Variants in SND1 observed in about 807,000 individuals in gnomAD.
SND1 encodes the protein staphylococcal nuclease domain-containing protein 1.
SND1 carries 38 observed loss-of-function variants against 121.7 expected under a neutral mutation model. The observed-to-expected ratio is 0.31, with a 90% CI of 0.24 to 0.41. The LOEUF (loss-of-function observed/expected upper bound fraction) is 0.41, where lower values mean the gene tolerates loss of function less well. Among genes scored for constraint, SND1 ranks in the 10% least tolerant of loss-of-function variants. The pLI, the probability that SND1 is intolerant of heterozygous loss-of-function variation, is 1.00. For synonymous variants in SND1, 401 were observed against 447.4 expected, an observed-to-expected ratio of 0.90 and a Z score of 1.31; for missense variants, 868 against 1,184.6, an observed-to-expected ratio of 0.73 and a Z score of 3.92.
At chr7:127,928,309 C>T (rs1800888884) in intron 14 of SND1, 2 of 152,150 alleles carry the variant, frequency 1.3e-5, no homozygotes, top group Non-Finnish European at 2.9e-5. Context: ...TGGGTAGGAA[C>T]AGTATGCCCC....
intron 11 of SND1, among the ~76,000 whole-genome samples, chr7:127,817,414 C>T (rs1332890721): frequency 6.6e-6 from 1 of 152,040 alleles, no homozygotes; most frequent in Non-Finnish European, 1.5e-5. Context: ...TAGACTTGCC[C>T]TGTTTCTTCT....
chr7:128,012,153 C>G (rs1458255579), intron 16 of SND1, among the ~76,000 whole-genome samples: 1 of 152,174 alleles, frequency 6.6e-6, no homozygotes, highest in Non-Finnish European at 1.5e-5. Flanking sequence ...TTTGTCTAAC[C>G]TAAGCCTGAT....
chr7:128,028,948 T>C lies in SND1; in HGVS notation c.1779+37892T>C, dbSNP rs757004228. On this transcript the variant is annotated intron_variant, in intron 16 of 23. Transcript: ENST00000354725. ...TCGTCCACCTGGATTATCTCAACAG[T>C]CCGGGCGGCTGTGACTGTACTCCGC... is the stretch of plus-strand genomic sequence containing the variant. The C allele has an allele frequency of 8.7e-6, 14 of 1,608,176 alleles. No individual in the cohort carries two copies. In the Admixed American group the frequency reaches 1.5e-4, roughly 18 times the overall value.
Position 127,929,336 on chromosome 7 carries a change from C to T in SND1, c.1669+7C>T. ...ATCACCTTCTTGCTTGCAGGTAAGTCTTATGTGTTACATGTTACTCTGAGC... is the reference window on the plus strand; with the variant it reads ...ATCACCTTCTTGCTTGCAGGTAAGTTTTATGTGTTACATGTTACTCTGAGC... On this transcript the variant is annotated splice_region_variant and intron_variant, in intron 15 of 23. Transcript: ENST00000354725. 1 of 1,613,834 alleles carries T rather than the reference C, an allele frequency of 6.2e-7. No homozygotes were observed. Among genetic ancestry groups the T allele is most frequent in the Non-Finnish European group, 8.5e-7 (1 of 1,179,772 alleles).
chr7:127,866,353 T>G (rs1259363133), intron 12 of SND1, among the ~76,000 whole-genome samples: 2 of 152,222 alleles, frequency 1.3e-5, no homozygotes, highest in East Asian at 3.8e-4. Context: ...TCAAGAAGCA[T>G]ATAGCATTTT....
At chr7:128,080,398 G>A (rs1793577835) in intron 17 of SND1, among the ~76,000 whole-genome samples, 1 of 152,260 alleles carries the variant, frequency 6.6e-6, no homozygotes, top group Admixed American at 6.5e-5. Flanking sequence ...GAGAGGGAAG[G>A]GTGGAGAGCG....
intron 15 of SND1, among the ~76,000 whole-genome samples, chr7:127,963,258 T>C (rs905101137): frequency 6.6e-6 from 1 of 151,862 alleles, no homozygotes; most frequent in Admixed American, 6.6e-5. Flanking sequence ...TTTTCTTTTT[T>C]TTTTTTTAAT....
chr7:127,798,957 G>A (rs908000746), intron 10 of SND1, among the ~76,000 whole-genome samples: 1 of 152,198 alleles, frequency 6.6e-6, no homozygotes, highest in Non-Finnish European at 1.5e-5. Flanking sequence ...TGAGGTGGAA[G>A]GATCATGTGA....
chr7:127,787,658 C>G (rs936402735), intron 10 of SND1, among the ~76,000 whole-genome samples: 5 of 152,216 alleles, frequency 3.3e-5, no homozygotes, highest in African/African-American at 1.2e-4. Flanking sequence ...CCTTTTCCTT[C>G]TCTCTCTGTT....
chr7:128,039,970 G>A (rs1001585608), intron 16 of SND1, among the ~76,000 whole-genome samples: 3 of 152,104 alleles, frequency 2.0e-5, no homozygotes, highest in African/African-American at 4.8e-5. Context: ...CACAGTCGGC[G>A]GGTACCTGCT....
intron 1 of SND1, among the ~76,000 whole-genome samples, chr7:127,675,602 TC>T (rs1309208334): frequency 6.6e-6 from 1 of 152,196 alleles, no homozygotes; most frequent in African/African-American, 2.4e-5. Flanking sequence ...TGAACACTGA[TC>T]ACTGCAGTAA....
intron 11 of SND1, among the ~76,000 whole-genome samples, chr7:127,812,943 C>A (rs1384162932): frequency 6.6e-6 from 1 of 152,148 alleles, no homozygotes; most frequent in Non-Finnish European, 1.5e-5. Context: ...ACATTTTTCA[C>A]CTCATATTAA....
intron 10 of SND1, among the ~76,000 whole-genome samples, 196 bp from the exon 11 acceptor site, chr7:127,807,288 A>G (rs962249107): frequency 2.0e-5 from 3 of 152,194 alleles, no homozygotes; most frequent in Admixed American, 6.5e-5. Context: ...TGAGCCTGTT[A>G]TGTGAAAAAG....
At chr7:127,831,385 A>G (rs924234335) in intron 11 of SND1, among the ~76,000 whole-genome samples, 2 of 152,224 alleles carry the variant, frequency 1.3e-5, no homozygotes, top group Non-Finnish European at 2.9e-5. Flanking sequence ...AACCAGTAGT[A>G]TTAGATTGTC....
intron 15 of SND1, among the ~76,000 whole-genome samples, chr7:127,958,178 G>C (rs1801645561): frequency 6.6e-6 from 1 of 152,196 alleles, no homozygotes; most frequent in Non-Finnish European, 1.5e-5. Flanking sequence ...CCAAGATTCA[G>C]ATCAGCCATT....
chr7:128,063,701 C>G (rs1006741853), intron 16 of SND1, among the ~76,000 whole-genome samples: 1 of 152,230 alleles, frequency 6.6e-6, no homozygotes, highest in Non-Finnish European at 1.5e-5. Context: ...GCTGTGAGAA[C>G]AAGCCCTACC....
chr7:127,712,318 C>T (rs1796311689), intron 9 of SND1, among the ~76,000 whole-genome samples: 1 of 152,100 alleles, frequency 6.6e-6, no homozygotes, highest in Admixed American at 6.5e-5. Context: ...GCTAACACAC[C>T]TGGCTAATTT....
chr7:127,981,507 C>T (rs1416305513), intron 15 of SND1, among the ~76,000 whole-genome samples: 2 of 152,164 alleles, frequency 1.3e-5, no homozygotes, highest in Non-Finnish European at 2.9e-5. Flanking sequence ...AAGGGAAAGG[C>T]CTCGTTAATC....
chr7:128,014,388 G>C (rs1346734633), intron 16 of SND1, among the ~76,000 whole-genome samples: 1 of 137,630 alleles, frequency 7.3e-6, no homozygotes. Context: ...ATAGCATCTA[G>C]ATTTGATCTA....
Sources: allele counts gnomAD v4.1 joint callset (sites outside exome capture counted in the v4.1 genomes callset), GRCh38; gene constraint gnomAD v4.1.1; transcripts MANE v1.5; gene names NCBI Gene and HGNC (gene_info 2026-07-23, HGNC 2026-07-21).